The following FSTL5 variants were observed in gnomAD, a reference collection of about 807,000 sequenced individuals.
FSTL5 encodes follistatin like 5, also known as follistatin-related protein 5.
In FSTL5, 62 loss-of-function variants were observed where a neutral mutation model predicts 89.1. The ratio of observed to expected loss-of-function variants is 0.70; its 90% CI spans 0.57 to 0.86. The LOEUF (loss-of-function observed/expected upper bound fraction) is 0.86, where lower values mean the gene tolerates loss of function less well. Ranked by LOEUF, FSTL5 falls within the 40% of genes least tolerant of loss-of-function variation. FSTL5 has a pLI of 0.00. For missense variants in FSTL5, 1,057 were observed against 1,001.6 expected, an observed-to-expected ratio of 1.06 and a Z score of -0.75; for synonymous variants, 383 against 346.2, an observed-to-expected ratio of 1.11 and a Z score of -1.18.
At chr4:161,837,450 A>T (rs985698893) in intron 4 of FSTL5, among the ~76,000 whole-genome samples, 53 of 152,308 alleles carry the variant, frequency 3.5e-4, no homozygotes, top group African/African-American at 1.2e-3. Context: ...GTAAATAAAT[A>T]GGATGCCATT....
intron 6 of FSTL5, among the ~76,000 whole-genome samples, chr4:161,737,332 G>C (rs978434764): frequency 6.6e-6 from 1 of 151,854 alleles, no homozygotes; most frequent in Non-Finnish European, 1.5e-5. Context: ...CTCGTACTGA[G>C]GAATATACAT....
chr4:161,926,032 T>G (rs1734111440), intron 3 of FSTL5, among the ~76,000 whole-genome samples: 1 of 151,932 alleles, frequency 6.6e-6, no homozygotes, highest in Admixed American at 6.6e-5. Flanking sequence ...GTGAAACTAT[T>G]ACATAAAAAA....
At chr4:161,576,000 T>G (rs1733196121) in intron 8 of FSTL5, among the ~76,000 whole-genome samples, 1 of 151,948 alleles carries the variant, frequency 6.6e-6, no homozygotes, top group African/African-American at 2.4e-5. Context: ...TGTGCAAAAA[T>G]CACAACCATT....
intron 15 of FSTL5, among the ~76,000 whole-genome samples, chr4:161,439,460 A>G (rs2126363533): frequency 6.6e-6 from 1 of 152,322 alleles, no homozygotes; most frequent in Non-Finnish European, 1.5e-5. Flanking sequence ...TCTTGTGTGA[A>G]CCATTTTAAT....
intron 3 of FSTL5, among the ~76,000 whole-genome samples, chr4:161,936,795 C>T (rs188301818): frequency 2.6e-5 from 4 of 152,108 alleles, no homozygotes; most frequent in Admixed American, 2.6e-4. Context: ...AAAAAGCAGC[C>T]CTCTACCACA....
intron 1 of FSTL5, among the ~76,000 whole-genome samples, chr4:162,140,326 A>C (rs1474866519): frequency 1.3e-5 from 2 of 152,212 alleles, no homozygotes; most frequent in Admixed American, 1.3e-4. Flanking sequence ...AAATATTTAT[A>C]GTAACATTGT....
intron 2 of FSTL5, among the ~76,000 whole-genome samples, chr4:162,109,729 A>G (rs1022231504): frequency 2.6e-5 from 4 of 152,060 alleles, no homozygotes; most frequent in African/African-American, 9.7e-5. Flanking sequence ...AAGCATCATC[A>G]TGCATTCATT....
intron 6 of FSTL5, among the ~76,000 whole-genome samples, chr4:161,716,895 G>A (rs1739004891): frequency 6.6e-6 from 1 of 152,066 alleles, no homozygotes; most frequent in African/African-American, 2.4e-5. Flanking sequence ...TCCAGGTCAG[G>A]GCAGAGAGGA....
intron 4 of FSTL5, among the ~76,000 whole-genome samples, chr4:161,804,467 T>C (rs907979616): frequency 2.6e-5 from 4 of 151,982 alleles, no homozygotes; most frequent in Non-Finnish European, 5.9e-5. Context: ...CTGATGTTCC[T>C]TGAAAAAATT....
At chr4:161,955,002 G>C (rs1196979155) in intron 3 of FSTL5, among the ~76,000 whole-genome samples, 3 of 150,890 alleles carry the variant, frequency 2.0e-5, no homozygotes, top group African/African-American at 7.3e-5. Context: ...AAATGCATGA[G>C]GGAAATTTAC....
chr4:161,756,932 A>C (rs1740589655), intron 6 of FSTL5, among the ~76,000 whole-genome samples: 1 of 152,186 alleles, frequency 6.6e-6, no homozygotes, highest in African/African-American at 2.4e-5. Flanking sequence ...TGGCTGTAGA[A>C]GTTGCCTACT....
At chr4:161,926,706 T>C (rs750103630) in intron 3 of FSTL5, among the ~76,000 whole-genome samples, 1 of 151,878 alleles carries the variant, frequency 6.6e-6, no homozygotes, top group Non-Finnish European at 1.5e-5. Context: ...TTAAACTTGA[T>C]AACAAATTCC....
At chr4:161,897,514 A>G (rs13152632) in intron 4 of FSTL5, among the ~76,000 whole-genome samples, 130,840 of 148,064 alleles carry the variant, frequency 0.88, 58,686 homozygotes, top group Non-Finnish European at 0.97. Context: ...GGCGGAGGTC[A>G]CGGTGAGCCA....
At chr4:162,111,986 T>C (rs544061966) in intron 1 of FSTL5, among the ~76,000 whole-genome samples, 10 of 152,164 alleles carry the variant, frequency 6.6e-5, no homozygotes, top group African/African-American at 2.2e-4. Context: ...TCCTAGAAAA[T>C]TGCTTTACAA....
intron 6 of FSTL5, among the ~76,000 whole-genome samples, chr4:161,758,844 C>A (rs959419017): frequency 6.6e-6 from 1 of 152,104 alleles, no homozygotes; most frequent in East Asian, 1.9e-4. Context: ...TAAAGAATAA[C>A]CTGATAAGTA....
At chr4:162,142,731 G>A (rs1286375653) in intron 1 of FSTL5, among the ~76,000 whole-genome samples, 1 of 152,046 alleles carries the variant, frequency 6.6e-6, no homozygotes, top group Non-Finnish European at 1.5e-5. Flanking sequence ...TTTTATGAAA[G>A]GTAAAAGATG....
At chr4:161,803,498 T>C (rs548373465) in intron 4 of FSTL5, among the ~76,000 whole-genome samples, 12 of 152,098 alleles carry the variant, frequency 7.9e-5, no homozygotes, top group African/African-American at 2.2e-4. Context: ...TATGTAAAGA[T>C]AGTGACCAAA....
chr4:161,772,815 C>T (rs79968363), intron 5 of FSTL5, among the ~76,000 whole-genome samples: 1 of 151,992 alleles, frequency 6.6e-6, no homozygotes, highest in African/African-American at 2.4e-5. Flanking sequence ...AAAATACCTC[C>T]ATCATTCTTC....
intron 3 of FSTL5, among the ~76,000 whole-genome samples, chr4:162,002,605 T>G (rs144904952): frequency 6.6e-6 from 1 of 152,232 alleles, no homozygotes; most frequent in East Asian, 1.9e-4. Flanking sequence ...AGAGGAATGC[T>G]AGTTTCTAGT....
Sources: gnomAD v4.1 joint callset for allele counts (sites outside exome capture counted in the v4.1 genomes callset) on GRCh38, gnomAD v4.1.1 for gene constraint, MANE v1.5 for transcripts, NCBI Gene and HGNC (gene_info 2026-07-23, HGNC 2026-07-21) for gene names.